The following FBXO10 variants were observed in gnomAD, a reference collection of about 807,000 sequenced individuals.
The protein encoded by FBXO10 is F-box only protein 10.
In FBXO10, 39 loss-of-function variants were observed where a neutral mutation model predicts 80.7. The observed-to-expected ratio is 0.48, with a 90% confidence interval of 0.37 to 0.63. The LOEUF is 0.63. Among genes scored for constraint, FBXO10 ranks in the 30% least tolerant of loss-of-function variants. FBXO10 has a pLI of 0.00. For synonymous variants in FBXO10, 449 were observed against 489.6 expected (o/e 0.92, Z 1.09); for missense variants, 1,025 against 1,269.0 (o/e 0.81, Z 2.92).
At chr9:37,551,105 A>T (rs1822187512) in intron 1 of FBXO10, among the ~76,000 whole-genome samples, 1 of 152,234 alleles carries the variant, frequency 6.6e-6, no homozygotes, top group South Asian at 2.1e-4. Context: ...AGAAGAAAAA[A>T]GTCACTGGCC....
chr9:37,551,471 C>T (rs979463362), intron 1 of FBXO10, among the ~76,000 whole-genome samples: 1 of 152,250 alleles, frequency 6.6e-6, no homozygotes, highest in African/African-American at 2.4e-5. Context: ...TTGTACTCTG[C>T]AAGTCTACAG....
chr9:37,513,964 A>G (rs963591557), intron 10 of FBXO10, among the ~76,000 whole-genome samples: 6 of 152,238 alleles, frequency 3.9e-5, no homozygotes, highest in Non-Finnish European at 8.8e-5. Flanking sequence ...CCAGTCACCC[A>G]AACTCTTGTA....
intron 5 of FBXO10, among the ~76,000 whole-genome samples, chr9:37,525,736 G>T (rs1470873482): frequency 1.3e-5 from 2 of 151,972 alleles, no homozygotes; most frequent in Non-Finnish European, 2.9e-5. Flanking sequence ...ATGGGGTTTT[G>T]CTACGTTGCC....
intron 1 of FBXO10, among the ~76,000 whole-genome samples, chr9:37,550,209 G>A (rs770866411): frequency 3.7e-5 from 3 of 81,524 alleles, no homozygotes; most frequent in Non-Finnish European, 6.5e-5. Context: ...TTGAGATAGA[G>A]TCTTGCTCTG....
intron 3 of FBXO10, among the ~76,000 whole-genome samples, chr9:37,536,321 G>A (rs750905547): frequency 3.3e-5 from 5 of 152,122 alleles, no homozygotes; most frequent in Non-Finnish European, 7.4e-5. Flanking sequence ...GGTGAGACTC[G>A]AATCTAGGTG....
intron 10 of FBXO10, among the ~76,000 whole-genome samples, chr9:37,514,489 G>T (rs1821134313): frequency 6.6e-6 from 1 of 152,066 alleles, no homozygotes; most frequent in East Asian, 1.9e-4. Flanking sequence ...CTATTTTGGG[G>T]ATAGTTTATA....
intron 1 of FBXO10, among the ~76,000 whole-genome samples, chr9:37,551,787 A>C (rs1038769372): frequency 6.6e-6 from 1 of 152,112 alleles, no homozygotes; most frequent in Non-Finnish European, 1.5e-5. Context: ...CAGAACTGAG[A>C]GTTTTTCAAA....
intron 1 of FBXO10, among the ~76,000 whole-genome samples, chr9:37,552,406 G>C (rs10973410): frequency 6.6e-6 from 1 of 152,088 alleles, no homozygotes; most frequent in African/African-American, 2.4e-5. Context: ...ACTTATGGCT[G>C]GGCGAGGTGG....
chr9:37,530,022 C>T (rs902624641), intron 4 of FBXO10, among the ~76,000 whole-genome samples: 6 of 151,946 alleles, frequency 3.9e-5, no homozygotes, highest in Admixed American at 2.0e-4. Flanking sequence ...AACAGGCCCA[C>T]GATTATATAG....
Position 37,537,475 on chromosome 9 carries a change from C to T in FBXO10, c.1054G>A (p.Asp352Asn). The T allele has an allele frequency of 6.2e-7, 1 of 1,608,180 alleles. No homozygotes were observed. The highest frequency in any genetic ancestry group is 8.5e-7 in the Non-Finnish European group (1 of 1,177,336). ...GGACTCAGGCCTCCATCGCTGCTGT[C>T]CGGGGTCTGGGCCACCCTTTCACCA... is the stretch of plus-strand genomic sequence containing the variant. Reference protein sequence around the residue: ...SDGERVAQTPDSSDGGLSPSG... With the variant: ...SDGERVAQTPNSSDGGLSPSG... The change falls in exon 3 of 11, where the codon GAC (aspartate) becomes AAC (asparagine). Residue 352 changes from aspartate to asparagine, a missense_variant. This residue lies in a region of FBXO10 where 450 missense variants were observed against 499.4 expected (regional missense o/e 0.90). Coordinates refer to ENST00000432825, the MANE Select transcript of FBXO10 (RefSeq NM_012166.3).
At chr9:37,561,612 T>TA (rs2119179509) in intron 1 of FBXO10, among the ~76,000 whole-genome samples, 1 of 152,332 alleles carries the variant, frequency 6.6e-6, no homozygotes, top group South Asian at 2.1e-4. Context: ...GCTGGCCTGA[T>TA]ACACCTCATG....
intron 5 of FBXO10, among the ~76,000 whole-genome samples, chr9:37,527,651 A>G (rs920331889): frequency 6.6e-6 from 1 of 152,182 alleles, no homozygotes; most frequent in Non-Finnish European, 1.5e-5. Flanking sequence ...TGAGTCTTCC[A>G]TCATGGCTGT....
At chr9:37,573,513 C>T (rs1273124225) in intron 1 of FBXO10, among the ~76,000 whole-genome samples, 2 of 152,166 alleles carry the variant, frequency 1.3e-5, no homozygotes, top group Non-Finnish European at 2.9e-5. Context: ...GACAGCTCTT[C>T]AACAGTTATG....
At chr9:37,566,519 T>C (rs894045556) in intron 1 of FBXO10, among the ~76,000 whole-genome samples, 1 of 151,080 alleles carries the variant, frequency 6.6e-6, no homozygotes, top group African/African-American at 2.4e-5. Flanking sequence ...CTATTTAGTA[T>C]TGACAGGAAA....
intron 1 of FBXO10, among the ~76,000 whole-genome samples, chr9:37,557,446 G>A (rs1293144639): frequency 6.6e-6 from 1 of 152,176 alleles, no homozygotes; most frequent in African/African-American, 2.4e-5. Context: ...CATGAGGAAG[G>A]AGCTCTGCCA....
chr9:37,551,177 C>T (rs112232579), intron 1 of FBXO10, among the ~76,000 whole-genome samples: 7 of 152,218 alleles, frequency 4.6e-5, no homozygotes, highest in Admixed American at 1.3e-4. Context: ...TAATCTTCTT[C>T]GACTCCATGT....
intron 6 of FBXO10, among the ~76,000 whole-genome samples, chr9:37,523,750 C>T (rs1181345766): frequency 1.3e-5 from 2 of 152,004 alleles, no homozygotes; most frequent in African/African-American, 2.4e-5. Flanking sequence ...GGAGAAACCC[C>T]GTCTCTACTA....
At chr9:37,519,450 T>C (rs529115260) in intron 8 of FBXO10, among the ~76,000 whole-genome samples, 35 of 116,790 alleles carry the variant, frequency 3.0e-4, no homozygotes, top group Non-Finnish European at 5.8e-4. Flanking sequence ...AGGAGGGCTC[T>C]GCGGTAGGTC....
At position 37,522,768 on chromosome 9, in the gene FBXO10, T is replaced by C. The variant is rs1173941474; in HGVS notation, c.1930+57A>G. ...AGTGACCTTCTCAGGACCCACAAGC[T>C]GGAGATGGAACCTGGGCTTCCTGCC... On this transcript the variant is annotated intron_variant, in intron 7 of 10. Transcript: ENST00000432825. The C allele has an allele frequency of 3.2e-6, 5 of 1,539,812 alleles. No individual in the cohort carries two copies. The African/African-American group carries it at 6.9e-5, about 21-fold the overall frequency.
Sources: allele counts gnomAD v4.1 joint callset (sites outside exome capture counted in the v4.1 genomes callset), GRCh38; gene constraint gnomAD v4.1.1; regional missense constraint gnomAD v4.1.1; transcripts MANE v1.5; gene names NCBI Gene and HGNC (gene_info 2026-07-23, HGNC 2026-07-21).